The following TEX261 variants were observed in gnomAD, a reference collection of about 807,000 sequenced individuals.
TEX261 encodes the protein testis expressed 261.
A neutral mutation model predicts 25.1 loss-of-function variants in TEX261; 13 were observed. That is an observed-to-expected ratio of 0.52 (90% CI 0.34 to 0.82). The LOEUF is 0.82. Ranked by LOEUF, TEX261 falls within the 40% of genes least tolerant of loss-of-function variation. TEX261 has a pLI of 0.02. For synonymous variants in TEX261, 92 were observed against 97.8 expected, an observed-to-expected ratio of 0.94 and a Z score of 0.35; for missense variants, 206 against 243.2, an observed-to-expected ratio of 0.85 and a Z score of 1.02.
At chr2:70,990,274 T>C (rs1412200518) in intron 3 of TEX261, among the ~76,000 whole-genome samples, 1 of 151,822 alleles carries the variant, frequency 6.6e-6, no homozygotes, top group African/African-American at 2.4e-5. Context: ...GAAGGCCTGC[T>C]CAAATAAAAA....
chr2:70,994,616 C>G, intron 1 of TEX261, 72 bp downstream of exon 1: 1 of 1,546,818 alleles, frequency 6.5e-7, no homozygotes, highest in Non-Finnish European at 8.7e-7. Flanking sequence ...TCCGAAACCC[C>G]CGCGATGCGA....
At chr2:70,992,453 G>A (rs1553425731) in intron 2 of TEX261, among the ~76,000 whole-genome samples, 2 of 152,144 alleles carry the variant, frequency 1.3e-5, no homozygotes, top group Non-Finnish European at 1.5e-5. Context: ...ACATCTGCCA[G>A]GCGAGGTGGC....
In TEX261 at chr2:70,993,720, G is replaced by C; in HGVS notation, c.126C>G (p.Ser42Arg). Residue 42 changes from serine (S) to arginine (R), a missense_variant, in exon 2 of 6, where the codon AGC becomes AGG. By Grantham distance (110) the Ser-to-Arg change is moderately radical (BLOSUM62 -1). Transcript: ENST00000272438. ...CCCAGATCATGTATTTTATGATCCT[G>C]CTGGTGGCCACTGTGTATTCTTCTA... is the stretch of plus-strand genomic sequence containing the variant. Reference protein sequence around the residue: ...ELIEEYTVATSRIIKYMIWFS... With the variant: ...ELIEEYTVATRRIIKYMIWFS... 2 of 1,613,732 alleles carry C rather than the reference G, an allele frequency of 1.2e-6. No homozygotes were observed. The highest frequency in any genetic ancestry group is 1.7e-6 in the Non-Finnish European group (2 of 1,179,934).
chr2:70,994,627 C>T (rs974827715), intron 1 of TEX261, 61 bp downstream of exon 1: 14 of 1,553,490 alleles, frequency 9.0e-6, no homozygotes, highest in African/African-American at 4.1e-5. Context: ...CGCGATGCGA[C>T]CCCCAACGAG....
At chr2:70,993,598 G>C (rs1439134989) in intron 2 of TEX261, 98 bp downstream of exon 2, 2 of 975,728 alleles carry the variant, frequency 2.0e-6, no homozygotes, top group Non-Finnish European at 1.6e-6. Flanking sequence ...AAACAGCAGA[G>C]ACACAGGCCT....
intron 2 of TEX261, among the ~76,000 whole-genome samples, chr2:70,992,339 G>A (rs1402392729): frequency 6.6e-6 from 1 of 152,156 alleles, no homozygotes; most frequent in Non-Finnish European, 1.5e-5. Flanking sequence ...GGCCAGGCTG[G>A]TCTCAAACTT....
chr2:70,993,600 C>A, intron 2 of TEX261, 96 bp downstream of exon 2: 1 of 990,886 alleles, frequency 1.0e-6, no homozygotes, highest in Non-Finnish European at 1.6e-6. Context: ...ACAGCAGAGA[C>A]ACAGGCCTCA....
rs1553425152 is a variant in TEX261 at position 70,988,443 on chromosome 2, AG to A, written c.*156del. ...GAAGCATCAGATCTGAGCCAAGCTG[AG>A]CCCCCCAAGGAGGGTGGGGATGGGG... On this transcript the variant is annotated 3_prime_UTR_variant, in exon 6 of 6. Coordinates refer to ENST00000272438, the MANE Select transcript of TEX261 (RefSeq NM_144582.3). The A allele has an allele frequency of 1.6e-6, 1 of 621,980 alleles. No homozygotes were observed. Among genetic ancestry groups the A allele is most frequent in the Non-Finnish European group, 2.9e-6 (1 of 348,350 alleles). 38.5% of individuals were successfully genotyped at this position (621,980 alleles called of 1,614,324 possible).
rs782612786 is a variant in TEX261, at chr2:70,994,789, G to C, written c.-32C>G. 7 of 1,551,824 alleles carry C rather than the reference G, an allele frequency of 4.5e-6. No homozygotes were observed. The highest frequency in any genetic ancestry group is 1.2e-5 in the South Asian group (1 of 84,750). ...CCCACCCGCCCGCTCCCCGGCCACC[G>C]GGACGGGCCTGCGCGCTTCGGCTCC... On this transcript the variant is annotated 5_prime_UTR_variant, in exon 1 of 6. Coordinates refer to ENST00000272438, the MANE Select transcript of TEX261 (RefSeq NM_144582.3).
chr2:70,988,312 C>A lies in TEX261; in HGVS notation c.*288G>T. 1 of 393,782 alleles carries A rather than the reference C, an allele frequency of 2.5e-6. No homozygotes were observed. The highest frequency in any genetic ancestry group is 4.7e-6 in the Non-Finnish European group (1 of 211,590). The allele number at this position is 393,782 out of a possible 1,614,324, so 24.4% of individuals were successfully genotyped here. ...CTGCCTGCCCCAGCGGGGCCAGAACCTCCTGACCCACCTTGGAAGGGACAG... is the reference window on the plus strand; with the variant it reads ...CTGCCTGCCCCAGCGGGGCCAGAACATCCTGACCCACCTTGGAAGGGACAG... On this transcript the variant is annotated 3_prime_UTR_variant, in exon 6 of 6. Coordinates refer to ENST00000272438, the MANE Select transcript of TEX261 (RefSeq NM_144582.3).
At position 70,994,705 on chromosome 2, in the gene TEX261, A is replaced by G; in HGVS notation, c.53T>C (p.Phe18Ser). The change falls in exon 1 of 6, where the codon TTC becomes TCC. Residue 18 changes from phenylalanine to serine, a missense_variant. Transcript: ENST00000272438. ...AGTCTCACCGACAGCCAGCGTGATG[A>G]AGGCCACCTGGATGAAGAGCGACAG... ...SWLSLFIQVA[F>S]ITLAVAAGLY... is the part of the protein sequence containing the mutation. 6.2e-7 allele frequency: 1 copy of G among 1,605,312 alleles called. No individual in the cohort carries two copies. Among genetic ancestry groups the G allele is most frequent in the Non-Finnish European group, 8.5e-7 (1 of 1,176,794 alleles).
chr2:70,990,503 T>C (rs374561160), intron 3 of TEX261, among the ~76,000 whole-genome samples: 25 of 152,254 alleles, frequency 1.6e-4, no homozygotes, highest in African/African-American at 5.8e-4. Context: ...GTGCATATCC[T>C]GGACACAGGC....
chr2:70,994,226 G>C (rs1372331471), intron 1 of TEX261, among the ~76,000 whole-genome samples: 1 of 152,230 alleles, frequency 6.6e-6, no homozygotes, highest in African/African-American at 2.4e-5. Flanking sequence ...GGCACTGCTG[G>C]ACCATCAACC....
At chr2:70,988,774 A>ATGTGTGTGTGTGTGCGCC in intron 5 of TEX261, 59 bp from the exon 6 acceptor site, 2 of 1,526,500 alleles carry the variant, frequency 1.3e-6, no homozygotes. Flanking sequence ...GTGTGTGCGC[A>ATGTGTGTGTGTGTGCGCC]TGTGTGTGAA....
In TEX261 at chr2:70,988,382, C is replaced by T; in HGVS notation, c.*218G>A. ...GGCCTCCTGGCTAAGCAGGCTCTGC[C>T]ACCCTCCTTGGTGCCCTCTGAGGTT... On this transcript the variant is annotated 3_prime_UTR_variant, in exon 6 of 6. Coordinates refer to ENST00000272438, the MANE Select transcript of TEX261 (RefSeq NM_144582.3). 3.7e-6 allele frequency: 2 copies of T among 543,054 alleles called. No individual in the cohort carries two copies. The highest frequency in any genetic ancestry group is 6.6e-6 in the Non-Finnish European group (2 of 301,398). The allele number at this position is 543,054 out of a possible 1,614,324, so 33.6% of individuals were successfully genotyped here.
intron 5 of TEX261, 24 bp from the exon 6 acceptor site, chr2:70,988,739 TGAGAGA>T (rs781878635): frequency 1.9e-6 from 3 of 1,564,072 alleles, no homozygotes; most frequent in Non-Finnish European, 1.8e-6. Context: ...GGCAAGAATA[TGAGAGA>T]GAGAGAGAGT....
chr2:70,989,320 A>G (rs1670256871), intron 4 of TEX261: 1 of 478,806 alleles, frequency 2.1e-6, no homozygotes, highest in East Asian at 3.9e-5. Flanking sequence ...CACACCCCCC[A>G]AAGAAGTGAC....
chr2:70,989,901 G>A, intron 3 of TEX261, 85 bp from the exon 4 acceptor site: 1 of 996,898 alleles, frequency 1.0e-6, no homozygotes, highest in East Asian at 2.4e-5. Flanking sequence ...CAGAAGTTGG[G>A]AGCCTCCATG....
At chr2:70,988,770 GCGCA>G in intron 5 of TEX261, 55 bp from the exon 6 acceptor site, 2 of 1,519,954 alleles carry the variant, frequency 1.3e-6, no homozygotes, top group Non-Finnish European at 1.8e-6. Context: ...GTGTGTGTGT[GCGCA>G]TGTGTGTGAA....
Sources: allele counts gnomAD v4.1 joint callset (sites outside exome capture counted in the v4.1 genomes callset), GRCh38; gene constraint gnomAD v4.1.1; transcripts MANE v1.5; gene names NCBI Gene and HGNC (gene_info 2026-07-23, HGNC 2026-07-21).